Variants in ATP11A observed in about 807,000 individuals in gnomAD.
ATP11A encodes phospholipid-transporting ATPase IH.
In ATP11A, 81 loss-of-function variants were observed where a neutral mutation model predicts 154.4. The ratio of observed to expected loss-of-function variants is 0.52; its 90% confidence interval spans 0.44 to 0.63. The LOEUF (loss-of-function observed/expected upper bound fraction) is 0.63. ATP11A is among the 30% of genes least tolerant of loss of function. The probability of loss-of-function intolerance (pLI) is 0.00; values close to 1 mark genes in which losing one functional copy is unlikely to be tolerated. For synonymous variants in ATP11A, 623 were observed against 585.9 expected (o/e 1.06, Z -0.91); for missense variants, 1,316 against 1,474.3 (o/e 0.89, Z 1.76).
At chr13:112,728,314 A>G (rs1163560296) in intron 1 of ATP11A, among the ~76,000 whole-genome samples, 36 of 133,038 alleles carry the variant, frequency 2.7e-4, no homozygotes, top group Middle Eastern at 5.4e-3. Flanking sequence ...TGGATGGGCC[A>G]TGAGACTGCG....
intron 1 of ATP11A, among the ~76,000 whole-genome samples, chr13:112,765,398 G>C (rs1023515965): frequency 6.6e-6 from 1 of 152,226 alleles, no homozygotes; most frequent in Non-Finnish European, 1.5e-5. Context: ...CGCTGGTGCA[G>C]CCTCCTCCGG....
rs2078947232 is a variant in ATP11A, at chr13:112,826,839, C to T, written c.1169C>T (p.Thr390Ile). The change falls in exon 12 of 30, where the codon ACT becomes ATT. Residue 390 changes from threonine (T) to isoleucine (I), a missense_variant. Coordinates refer to ENST00000375645, the MANE Select transcript of ATP11A (RefSeq NM_015205.3). ...GACGAAGACATGTTTGACGAGGAGA[C>T]TGGCGAGGGGCCTCTGGTGAACACG... ...TWDEDMFDEE[T>I]GEGPLVNTSD... 1.9e-6 allele frequency: 3 copies of T among 1,614,184 alleles called. No individual in the cohort carries two copies. The highest frequency in any genetic ancestry group is 2.5e-6 in the Non-Finnish European group (3 of 1,180,038).
At chr13:112,778,637 G>GCTGGAGTGAGGAGTAGCCA (rs2077407364) in intron 1 of ATP11A, among the ~76,000 whole-genome samples, 1 of 151,022 alleles carries the variant, frequency 6.6e-6, no homozygotes, top group Non-Finnish European at 1.5e-5. Flanking sequence ...GTGAGTAGCC[G>GCTGGAGTGAGGAGTAGCCA]CTGGAGTGAG....
At position 112,718,520 on chromosome 13, in the gene ATP11A, G is replaced by A. The variant is rs182260520; in HGVS notation, c.39+28065G>A. Among the ~76,000 whole-genome samples, 392 of 152,262 alleles carry A rather than the reference G, an allele frequency of 2.6e-3. 3 individuals carry two copies. Among genetic ancestry groups the A allele is most frequent in the Admixed American group, 0.017 (262 of 15,294 alleles). On this transcript the variant is annotated intron_variant, in intron 1 of 29. Coordinates refer to ENST00000375645, the MANE Select transcript of ATP11A (RefSeq NM_015205.3). ...CGCCTCCGCTGGGGGTCCTCCCTCC[G>A]AGGTGTGTGCGGTGGGGATGGGAAC...
intron 1 of ATP11A, among the ~76,000 whole-genome samples, chr13:112,709,567 T>C (rs759168580): frequency 2.6e-5 from 4 of 152,222 alleles, no homozygotes; most frequent in Non-Finnish European, 4.4e-5. Flanking sequence ...CCACAATCCT[T>C]TATCTTAACC....
At chr13:112,870,015 T>C (rs908380273) in intron 25 of ATP11A, among the ~76,000 whole-genome samples, 19 of 151,562 alleles carry the variant, frequency 1.3e-4, no homozygotes, top group African/African-American at 4.1e-4. Flanking sequence ...GCCCCAGAAA[T>C]GTCTCCACCA....
At chr13:112,722,741 T>C (rs1472724633) in intron 1 of ATP11A, among the ~76,000 whole-genome samples, 3 of 152,152 alleles carry the variant, frequency 2.0e-5, no homozygotes, top group Non-Finnish European at 2.9e-5. Flanking sequence ...TGAGTGGCCG[T>C]GGCTTGGAAA....
At chr13:112,818,510 A>G (rs1364568806) in intron 6 of ATP11A, among the ~76,000 whole-genome samples, 1 of 152,226 alleles carries the variant, frequency 6.6e-6, no homozygotes, top group Non-Finnish European at 1.5e-5. Context: ...GAAGGGATTC[A>G]GAGATGCTGT....
chr13:112,746,712 A>AT lies in ATP11A; in HGVS notation c.40-38421dup, dbSNP rs1387475156. ...AGGCGTGCACCACCATGCCTGGCTAATTAAAAAAAAAAAAAAAAAAAGACA... is the reference window on the plus strand; with the variant it reads ...AGGCGTGCACCACCATGCCTGGCTAATTTAAAAAAAAAAAAAAAAAAAGACA... On this transcript the variant is annotated intron_variant, in intron 1 of 29. Transcript: ENST00000375645. This position sits in a 1 kb window ranked among gnomAD's most constrained non-coding sequence, Gnocchi z 4.1. The AT allele has an allele frequency of 8.6e-5, 9 of 104,634 alleles. No individual in the cohort carries two copies. The highest frequency in any genetic ancestry group is 1.8e-4 in the Non-Finnish European group (9 of 49,072). The allele number at this position is 104,634 out of a possible 1,614,324, so 6.5% of individuals were successfully genotyped here.
intron 1 of ATP11A, among the ~76,000 whole-genome samples, chr13:112,733,086 T>C (rs1566399370): frequency 6.6e-6 from 1 of 152,252 alleles, no homozygotes; most frequent in Non-Finnish European, 1.5e-5. Flanking sequence ...CATTGTTAAA[T>C]TGGGCATTAG....
At chr13:112,836,045 C>A in intron 15 of ATP11A, 133 bp from the exon 16 acceptor site, 2 of 571,570 alleles carry the variant, frequency 3.5e-6, no homozygotes, top group Middle Eastern at 3.0e-4. Context: ...CCTCACCCAG[C>A]AGCCCTCTGT....
intron 5 of ATP11A, among the ~76,000 whole-genome samples, chr13:112,814,589 C>T (rs980876177): frequency 1.3e-5 from 2 of 152,166 alleles, no homozygotes; most frequent in Non-Finnish European, 2.9e-5. Context: ...GCTGTCTTGT[C>T]GCCCCTGCAC....
chr13:112,708,520 C>G (rs1380301999), intron 1 of ATP11A, among the ~76,000 whole-genome samples: 1 of 152,198 alleles, frequency 6.6e-6, no homozygotes, highest in Non-Finnish European at 1.5e-5. Context: ...AGGTAATCTT[C>G]GCAGTTGACA....
At chr13:112,695,927 A>G (rs1388831374) in intron 1 of ATP11A, among the ~76,000 whole-genome samples, 1 of 152,258 alleles carries the variant, frequency 6.6e-6, no homozygotes, top group Non-Finnish European at 1.5e-5. Context: ...TAGAAATTCA[A>G]GAAGATCAGA....
intron 1 of ATP11A, among the ~76,000 whole-genome samples, chr13:112,700,141 G>GA (rs965062606): frequency 6.6e-6 from 1 of 150,808 alleles, no homozygotes; most frequent in African/African-American, 2.4e-5. Flanking sequence ...TGTTACATGT[G>GA]AAAAAAACGA....
rs1159792332 is a variant in ATP11A at position 112,697,175 on chromosome 13, T to G, written c.39+6720T>G. 1.3e-5 allele frequency among the ~76,000 whole-genome samples: 2 copies of G among 152,198 alleles called. No homozygotes were observed. Among genetic ancestry groups the G allele is most frequent in the Admixed American group, 1.3e-4 (2 of 15,292 alleles). ...CTGCTTCCTGTGGCGTCCTGCGGGCTGGCCGCCCCTCGGTGGGCTCCGGTG... is the reference window on the plus strand; with the variant it reads ...CTGCTTCCTGTGGCGTCCTGCGGGCGGGCCGCCCCTCGGTGGGCTCCGGTG... On this transcript the variant is annotated intron_variant, in intron 1 of 29. Coordinates refer to ENST00000375645, the MANE Select transcript of ATP11A (RefSeq NM_015205.3). This position sits in a 1 kb window ranked among gnomAD's most constrained non-coding sequence, Gnocchi z 4.0.
At chr13:112,822,112 G>A (rs1029892678) in intron 8 of ATP11A, among the ~76,000 whole-genome samples, 17 of 152,172 alleles carry the variant, frequency 1.1e-4, no homozygotes, top group African/African-American at 3.9e-4. Flanking sequence ...ATGATAGAAG[G>A]ACAGTAAATA....
Position 112,816,963 on chromosome 13 carries a change from T to A in ATP11A, c.570+752T>A, listed in dbSNP as rs535621104. 3.4e-4 allele frequency among the ~76,000 whole-genome samples: 52 copies of A among 152,388 alleles called. No homozygotes were observed. The South Asian group carries it at 4.8e-3, about 14-fold the overall frequency. On this transcript the variant is annotated intron_variant, in intron 6 of 29. Coordinates refer to ENST00000375645, the MANE Select transcript of ATP11A (RefSeq NM_015205.3). ...ACACACGATTCTAGATTTTGCCTGT[T>A]ACTTCAATGAGTGTCTTTTTGTGAA...
Position 112,873,560 on chromosome 13 carries a change from T to A in ATP11A, c.3058-13T>A. 6.3e-7 allele frequency: 1 copy of A among 1,583,232 alleles called. No homozygotes were observed. The highest frequency in any genetic ancestry group is 8.6e-7 in the Non-Finnish European group (1 of 1,168,502). On this transcript the variant is annotated splice_polypyrimidine_tract_variant and intron_variant, in intron 26 of 29. Transcript: ENST00000375645. ...GATGACACCGTTAACTGCCCTTTTT[T>A]TTTTCCTTTTAGCTTGCATTGGACA... is the stretch of plus-strand genomic sequence containing the variant.
Sources: gnomAD v4.1 joint callset for allele counts (sites outside exome capture counted in the v4.1 genomes callset) on GRCh38, gnomAD v4.1.1 for gene constraint, Gnocchi (gnomAD v3.1) non-coding constraint, MANE v1.5 for transcripts, NCBI Gene and HGNC (gene_info 2026-07-23, HGNC 2026-07-21) for gene names.